SPAG9: variants seen among roughly 807,000 people sequenced by gnomAD.
SPAG9 encodes C-Jun-amino-terminal kinase-interacting protein 4.
In SPAG9, 35 loss-of-function variants were observed where a neutral mutation model predicts 166.5. The ratio of observed to expected loss-of-function variants is 0.21; its 90% confidence interval spans 0.16 to 0.28. The LOEUF (loss-of-function observed/expected upper bound fraction) is 0.28. Ranked by LOEUF, SPAG9 falls within the 10% of genes least tolerant of loss-of-function variation. The pLI is 1.00. For synonymous variants in SPAG9, 534 were observed against 565.5 expected, an observed-to-expected ratio of 0.94 and a Z score of 0.79; for missense variants, 1,235 against 1,603.3, an observed-to-expected ratio of 0.77 and a Z score of 3.92.
chr17:50,969,189 G>A (rs544861987), intron 29 of SPAG9, among the ~76,000 whole-genome samples: 34 of 152,120 alleles, frequency 2.2e-4, no homozygotes, highest in African/African-American at 7.7e-4. Flanking sequence ...ATGGCTTTTA[G>A]TACCACTCCA....
rs566044674 is a variant in SPAG9, at chr17:51,081,445, C to T, written c.304-1741G>A. Reference sequence around the variant, plus strand: ...CAGCCTGGGCGACAGAACAAGACCCCCTCTCAAAAAAAAGCAGGCCAGGAG... The same window carrying T: ...CAGCCTGGGCGACAGAACAAGACCCTCTCTCAAAAAAAAGCAGGCCAGGAG... On this transcript the variant is annotated intron_variant, in intron 1 of 29. Coordinates refer to ENST00000262013, the MANE Select transcript of SPAG9 (RefSeq NM_001130528.3). Among the ~76,000 whole-genome samples, 8 of 151,680 alleles carry T rather than the reference C, an allele frequency of 5.3e-5. 1 individual carries two copies. In the East Asian group the frequency reaches 1.6e-3, roughly 30 times the overall value.
rs1377620526 is a variant in SPAG9, at chr17:51,120,756, G to T, written c.-100C>A. The T allele has an allele frequency of 4.7e-6, 5 of 1,072,572 alleles. No homozygotes were observed. The highest frequency in any genetic ancestry group is 5.1e-6 in the Non-Finnish European group (4 of 783,884). 66.4% of individuals were successfully genotyped at this position (1,072,572 alleles called of 1,614,324 possible). Reference sequence around the variant, plus strand: ...CGACTCGGGCTGGGACGGGTACTAGGGCTGGAGCCCGGGCCGGGGCTGGGG... The same window carrying T: ...CGACTCGGGCTGGGACGGGTACTAGTGCTGGAGCCCGGGCCGGGGCTGGGG... On this transcript the variant is annotated 5_prime_UTR_variant, in exon 1 of 30. Coordinates refer to ENST00000262013, the MANE Select transcript of SPAG9 (RefSeq NM_001130528.3). This position sits in a 1 kb window ranked among gnomAD's most constrained non-coding sequence, Gnocchi z 4.7.
At chr17:51,112,263 G>A (rs972081785) in intron 1 of SPAG9, among the ~76,000 whole-genome samples, 1 of 151,232 alleles carries the variant, frequency 6.6e-6, no homozygotes, top group African/African-American at 2.4e-5. Context: ...GCCAGGTGTG[G>A]TGGCTCACAC....
intron 1 of SPAG9, among the ~76,000 whole-genome samples, chr17:51,115,346 AC>A (rs1028970538): frequency 6.7e-6 from 1 of 150,184 alleles, no homozygotes; most frequent in Non-Finnish European, 1.5e-5. Flanking sequence ...ACACCATCAC[AC>A]CCAACTAATT....
chr17:50,990,003 C>A, intron 20 of SPAG9, 131 bp from the exon 21 acceptor site: 1 of 777,520 alleles, frequency 1.3e-6, no homozygotes, highest in Non-Finnish European at 2.1e-6. Flanking sequence ...ATTAAGAATT[C>A]TTCATTCCAT....
rs187227756 is a variant in SPAG9, at chr17:51,089,352, A to T, written c.304-9648T>A. Among the ~76,000 whole-genome samples the T allele has an allele frequency of 5.3e-3, 801 of 151,726 alleles. 5 individuals are homozygous for T. The highest frequency in any genetic ancestry group is 0.018 in the African/African-American group (754 of 41,374). On this transcript the variant is annotated intron_variant, in intron 1 of 29. Coordinates refer to ENST00000262013, the MANE Select transcript of SPAG9 (RefSeq NM_001130528.3). ...GGCAGGAGAATCACTTGAACCCAAG[A>T]GGTAGAGGTTGCACTGAGGTGAGAC...
At chr17:51,106,869 T>C (rs1442186825) in intron 1 of SPAG9, among the ~76,000 whole-genome samples, 3 of 149,984 alleles carry the variant, frequency 2.0e-5, no homozygotes, top group Admixed American at 6.6e-5. Context: ...TTTGGGAGGC[T>C]GAAGTGTGCA....
intron 21 of SPAG9, among the ~76,000 whole-genome samples, chr17:50,988,418 T>C (rs992952735): frequency 6.6e-6 from 1 of 152,116 alleles, no homozygotes; most frequent in African/African-American, 2.4e-5. Flanking sequence ...TATTAAACTT[T>C]AAAAAGGATC....
Position 51,120,268 on chromosome 17 carries a change from G to C in SPAG9, c.303+86C>G. The C allele has an allele frequency of 8.2e-7, 1 of 1,212,624 alleles. No homozygotes were observed. Among genetic ancestry groups the C allele is most frequent in the South Asian group, 1.7e-5 (1 of 59,828 alleles). The allele number at this position is 1,212,624 out of a possible 1,614,324, so 75.1% of individuals were successfully genotyped here. On this transcript the variant is annotated intron_variant, in intron 1 of 29. Coordinates refer to ENST00000262013, the MANE Select transcript of SPAG9 (RefSeq NM_001130528.3). The surrounding 1 kb of genome is among the most constrained non-coding windows in gnomAD (Gnocchi z 4.7). Reference sequence around the variant, plus strand: ...GCCCGCCCTCCAGGAGGCCCGTCGCGCCTCTAGTCCCCGACCGGGCCGCGA... The same window carrying C: ...GCCCGCCCTCCAGGAGGCCCGTCGCCCCTCTAGTCCCCGACCGGGCCGCGA...
At chr17:51,051,667 C>T (rs1363962344) in intron 3 of SPAG9, among the ~76,000 whole-genome samples, 1 of 151,982 alleles carries the variant, frequency 6.6e-6, no homozygotes, top group Non-Finnish European at 1.5e-5. Context: ...TTGCAGTGGG[C>T]CGAGATCACG....
At chr17:50,985,523 T>C (rs1438106708) in intron 23 of SPAG9, among the ~76,000 whole-genome samples, 175 bp downstream of exon 23, 1 of 152,100 alleles carries the variant, frequency 6.6e-6, no homozygotes, top group Admixed American at 6.6e-5. Context: ...CTTCGTTTTC[T>C]ATTATACAGT....
rs367668897 is a variant in SPAG9, at chr17:50,998,556, G to A, written c.1726C>T (p.Leu576=). 3.7e-5 allele frequency: 59 copies of A among 1,614,038 alleles called. No individual in the cohort carries two copies. Among genetic ancestry groups the A allele is most frequent in the African/African-American group, 5.3e-5 (4 of 74,910 alleles). The change falls in exon 15 of 30, where the codon CTG becomes TTG. Residue 576 remains leucine, a synonymous_variant. Transcript: ENST00000262013. ...TTKKPEPPVN[L]KYNAPTSHVT... ...TGAGACGTGGGTGCATTGTACTTCA[G>A]ATTAACAGGTGGTTCAGGCTTCTTA...
intron 1 of SPAG9, among the ~76,000 whole-genome samples, chr17:51,103,407 TTGAAACC>T (rs2048858429): frequency 6.6e-6 from 1 of 152,112 alleles, no homozygotes; most frequent in Non-Finnish European, 1.5e-5. Context: ...CTTTCCAGAA[TTGAAACC>T]TGAAAGATAA....
At chr17:51,068,312 C>G (rs1409929427) in intron 2 of SPAG9, among the ~76,000 whole-genome samples, 4 of 152,086 alleles carry the variant, frequency 2.6e-5, no homozygotes, top group African/African-American at 9.7e-5. Context: ...CTCTCAACTT[C>G]AAAAAATTTT....
chr17:50,979,646 T>C (rs1974450199), intron 26 of SPAG9, 100 bp downstream of exon 26: 2 of 1,194,288 alleles, frequency 1.7e-6, no homozygotes, highest in Non-Finnish European at 2.4e-6. Flanking sequence ...CTGCACTCCA[T>C]CCTGGGCAAC....
At chr17:50,967,895 C>G (rs1286743007) in intron 29 of SPAG9, among the ~76,000 whole-genome samples, 1 of 152,172 alleles carries the variant, frequency 6.6e-6, no homozygotes, top group Non-Finnish European at 1.5e-5. Flanking sequence ...CTGGAAATAA[C>G]TAGAGATACT....
At chr17:50,967,802 C>CA (rs1021928973) in intron 29 of SPAG9, among the ~76,000 whole-genome samples, 12 of 152,060 alleles carry the variant, frequency 7.9e-5, no homozygotes, top group Non-Finnish European at 1.8e-4. Context: ...AATGGACCCC[C>CA]AAAAAAGATC....
At chr17:50,973,686 A>G (rs1973989414) in intron 28 of SPAG9, among the ~76,000 whole-genome samples, 1 of 152,208 alleles carries the variant, frequency 6.6e-6, no homozygotes, top group African/African-American at 2.4e-5. Flanking sequence ...TTAACATTTA[A>G]AACAACAGAC....
rs2048110084 is a variant in SPAG9, at chr17:51,079,710, AAAG to A, written c.304-9_304-7del. The A allele has an allele frequency of 1.3e-6, 2 of 1,499,330 alleles. No individual in the cohort carries two copies. Among genetic ancestry groups the A allele is most frequent in the Non-Finnish European group, 1.8e-6 (2 of 1,088,746 alleles). The allele number at this position is 1,499,330 out of a possible 1,614,324, so 92.9% of individuals were successfully genotyped here. A position where few individuals can be genotyped will look rare whatever the true frequency, so the allele number is the denominator to read the frequency against. On this transcript the variant is annotated splice_region_variant and splice_polypyrimidine_tract_variant and intron_variant, in intron 1 of 29. Coordinates refer to ENST00000262013, the MANE Select transcript of SPAG9 (RefSeq NM_001130528.3). ...TCTTCAAATTCAATGAATTTCTAAT[AAAG>A]AAGAACAATATAAATTTAATCAGAG... is the stretch of plus-strand genomic sequence containing the variant.
Sources: gnomAD v4.1 joint callset for allele counts (sites outside exome capture counted in the v4.1 genomes callset) on GRCh38, gnomAD v4.1.1 for gene constraint, Gnocchi (gnomAD v3.1) non-coding constraint, MANE v1.5 for transcripts, NCBI Gene and HGNC (gene_info 2026-07-23, HGNC 2026-07-21) for gene names.